CREB5: variants seen among roughly 807,000 people sequenced by gnomAD.
The protein encoded by CREB5 is cAMP responsive element binding protein 5.
Under a neutral mutation model 57.1 loss-of-function variants are expected in CREB5, and 19 were observed. The ratio of observed to expected loss-of-function variants is 0.33; its 90% CI spans 0.23 to 0.49. The LOEUF is 0.49. Among genes scored for constraint, CREB5 ranks in the 20% least tolerant of loss-of-function variants. CREB5 has a pLI of 0.99. For missense variants in CREB5, 579 were observed against 671.6 expected (o/e 0.86, Z 1.52); for synonymous variants, 238 against 238.3 (o/e 1.00, Z 0.01).
rs149158864 is a variant in CREB5, at chr7:28,440,785, C to T, written c.3+27868C>T. On this transcript the variant is annotated intron_variant, in intron 1 of 10. Transcript: ENST00000357727. ...AACTGCACACAAGACAGGGTTTGAA[C>T]CTTGTCATCAGGTGGCGTGGAGTTC... Among the ~76,000 whole-genome samples, 38 of 152,194 alleles carry T rather than the reference C, an allele frequency of 2.5e-4. No homozygotes were observed. In the East Asian group the frequency reaches 7.3e-3, roughly 29 times the overall value.
chr7:28,798,296 G>A (rs183559091), intron 7 of CREB5, among the ~76,000 whole-genome samples: 8 of 143,948 alleles, frequency 5.6e-5, no homozygotes, highest in South Asian at 2.3e-4. Flanking sequence ...ATGGAGAAGC[G>A]ATGTTTTCAC....
intron 5 of CREB5, among the ~76,000 whole-genome samples, chr7:28,625,708 A>G (rs1291549010): frequency 6.6e-6 from 1 of 152,144 alleles, no homozygotes; most frequent in Non-Finnish European, 1.5e-5. Context: ...GTTCTCCCTC[A>G]TTGTCAGGAA....
intron 7 of CREB5, 159 bp downstream of exon 7, chr7:28,724,491 G>A: frequency 3.2e-6 from 2 of 623,080 alleles, no homozygotes; most frequent in East Asian, 2.8e-5. Flanking sequence ...GAGGATGTTT[G>A]TTACAGAGCC....
At chr7:28,420,526 G>A (rs924588164) in intron 1 of CREB5, among the ~76,000 whole-genome samples, 1 of 152,192 alleles carries the variant, frequency 6.6e-6, no homozygotes, top group Non-Finnish European at 1.5e-5. Flanking sequence ...TTAAGGTGAG[G>A]CCGGGCATGG....
intron 1 of CREB5, among the ~76,000 whole-genome samples, chr7:28,394,693 C>T (rs1049319810): frequency 3.3e-5 from 5 of 152,166 alleles, no homozygotes; most frequent in African/African-American, 9.7e-5. Context: ...ATTTCCCCTA[C>T]ATTTGACAGT....
chr7:28,512,879 C>T (rs1792774257), intron 4 of CREB5, among the ~76,000 whole-genome samples: 1 of 152,180 alleles, frequency 6.6e-6, no homozygotes, highest in Non-Finnish European at 1.5e-5. Flanking sequence ...TAGGACATTT[C>T]CATGCTCTAG....
chr7:28,726,496 A>G (rs1803345360), intron 7 of CREB5, among the ~76,000 whole-genome samples: 1 of 152,166 alleles, frequency 6.6e-6, no homozygotes, highest in Admixed American at 6.5e-5. Flanking sequence ...TGCTCAGATG[A>G]AAAGCTTTTA....
chr7:28,311,712 G>T (rs550572781), intron 1 of CREB5, among the ~76,000 whole-genome samples: 16 of 152,332 alleles, frequency 1.1e-4, no homozygotes, highest in African/African-American at 3.8e-4. Context: ...GCTCTGCCAT[G>T]CCTGGCCGGT....
intron 5 of CREB5, among the ~76,000 whole-genome samples, chr7:28,622,881 A>G (rs1406949611): frequency 6.6e-6 from 1 of 152,154 alleles, no homozygotes; most frequent in Non-Finnish European, 1.5e-5. Context: ...TAATAATTTT[A>G]AAAATACTCC....
intron 5 of CREB5, among the ~76,000 whole-genome samples, chr7:28,614,197 G>A (rs548389419): frequency 7.9e-5 from 12 of 152,292 alleles, no homozygotes; most frequent in Admixed American, 2.0e-4. Flanking sequence ...GGGCCCAAGC[G>A]ATCTGTCCTT....
At chr7:28,356,602 G>A (rs1786349904) in intron 1 of CREB5, among the ~76,000 whole-genome samples, 1 of 152,170 alleles carries the variant, frequency 6.6e-6, no homozygotes, top group Non-Finnish European at 1.5e-5. Context: ...TCAGCTACAA[G>A]TGAGATAAAA....
intron 1 of CREB5, among the ~76,000 whole-genome samples, chr7:28,327,511 T>C (rs1785631892): frequency 1.3e-5 from 2 of 152,232 alleles, no homozygotes; most frequent in Non-Finnish European, 2.9e-5. Context: ...TTAAAATTCA[T>C]TTATATAACT....
At chr7:28,410,977 C>T (rs1241207695), upstream of CREB5, among the ~76,000 whole-genome samples, 1 of 152,180 alleles carries the variant, frequency 6.6e-6, no homozygotes, top group African/African-American at 2.4e-5. Flanking sequence ...GCCCCGCCCC[C>T]GCCTTTTTAC....
chr7:28,744,831 C>T (rs1215837769), intron 7 of CREB5, among the ~76,000 whole-genome samples: 14 of 152,220 alleles, frequency 9.2e-5, no homozygotes, highest in African/African-American at 2.9e-4. Context: ...AACCAGGATG[C>T]AATGATTTGC....
intron 4 of CREB5, among the ~76,000 whole-genome samples, chr7:28,548,346 C>T (rs901054821): frequency 1.3e-5 from 2 of 152,160 alleles, no homozygotes; most frequent in African/African-American, 4.8e-5. Flanking sequence ...CTTCTGTAAA[C>T]TCCAATAGAC....
chr7:28,590,620 A>C (rs904124050), intron 5 of CREB5, among the ~76,000 whole-genome samples: 3 of 151,584 alleles, frequency 2.0e-5, no homozygotes, highest in Non-Finnish European at 4.4e-5. Flanking sequence ...TGCCACATGT[A>C]TACATGTGTA....
At chr7:28,350,722 C>T (rs1786170629) in intron 1 of CREB5, among the ~76,000 whole-genome samples, 1 of 152,002 alleles carries the variant, frequency 6.6e-6, no homozygotes. Context: ...AGGGAGAGCC[C>T]TGAGCTTCAA....
chr7:28,305,369 A>G lies in CREB5; in HGVS notation c.-25+5928A>G, dbSNP rs1785164627. On this transcript the variant is annotated intron_variant, in intron 1 of 9. Coordinates refer to the CREB5 transcript ENST00000396299. ...CTCAGAGAACATCCCAGGAAAACCT[A>G]CAGTCCACTACTGGACATGCCTGGA... Among the ~76,000 whole-genome samples the G allele has an allele frequency of 3.3e-5, 5 of 152,258 alleles. No individual in the cohort carries two copies. In the South Asian group the frequency reaches 1.0e-3, roughly 32 times the overall value.
At chr7:28,366,260 G>A (rs1217752550) in intron 1 of CREB5, among the ~76,000 whole-genome samples, 1 of 152,030 alleles carries the variant, frequency 6.6e-6, no homozygotes, top group African/African-American at 2.4e-5. Flanking sequence ...TTTAGATTTA[G>A]TTATTATTGT....
Sources: allele counts gnomAD v4.1 joint callset (sites outside exome capture counted in the v4.1 genomes callset), GRCh38; gene constraint gnomAD v4.1.1; transcripts MANE v1.5; gene names NCBI Gene and HGNC (gene_info 2026-07-23, HGNC 2026-07-21).